SETD5: variants seen among roughly 807,000 people sequenced by gnomAD.
The protein encoded by SETD5 is SET domain containing 5, also known as histone-lysine N-methyltransferase SETD5.
A neutral mutation model predicts 153.3 loss-of-function variants in SETD5; 44 were observed. That is an observed-to-expected ratio of 0.29 (90% CI 0.23 to 0.37). The LOEUF is 0.37. Ranked by LOEUF, SETD5 falls within the 10% of genes least tolerant of loss-of-function variation. The probability of loss-of-function intolerance (pLI) is 1.00; values close to 1 mark genes in which losing one functional copy is unlikely to be tolerated. For missense variants in SETD5, 1,544 were observed against 1,768.0 expected, an observed-to-expected ratio of 0.87 and a Z score of 2.27; for synonymous variants, 716 against 645.2, an observed-to-expected ratio of 1.11 and a Z score of -1.66.
chr3:9,413,800 C>T (rs547467228), intron 1 of SETD5, among the ~76,000 whole-genome samples: 2 of 151,774 alleles, frequency 1.3e-5, no homozygotes. Flanking sequence ...GTTTTTGAGA[C>T]GGAGTCTGGC....
Position 9,459,038 on chromosome 3 carries a change from G to A in SETD5, c.2476+5170G>A, listed in dbSNP as rs901982014. Among the ~76,000 whole-genome samples the A allele has an allele frequency of 5.9e-5, 9 of 152,074 alleles. No homozygotes were observed. The South Asian group carries it at 1.2e-3, about 21-fold the overall frequency. On this transcript the variant is annotated intron_variant, in intron 17 of 22. Transcript: ENST00000402198. Reference sequence around the variant, plus strand: ...CCTAAAAATCTATGCTTCAGGATTCGACAAACTCTTGGAAAATATTTTCTG... The same window carrying A: ...CCTAAAAATCTATGCTTCAGGATTCAACAAACTCTTGGAAAATATTTTCTG...
chr3:9,447,253 C>A lies in SETD5; in HGVS notation c.1728C>A (p.Ile576=), dbSNP rs191615401. ...GCAACTCTGTTTCAAATGTTACCAT[C>A]CCAAGCACCCCACAGAGTGTTGGTG... The part of the protein sequence containing the change: ...EVSNSVSNVT[I]PSTPQSVGVN... Residue 576 remains isoleucine, a synonymous_variant, in exon 14 of 23, where the codon ATC becomes ATA. Transcript: ENST00000402198. 3.8e-5 allele frequency: 61 copies of A among 1,614,036 alleles called. No individual in the cohort carries two copies. The African/African-American group carries it at 5.9e-4, about 16-fold the overall frequency.
At chr3:9,423,724 T>C (rs1575301108) in intron 1 of SETD5, among the ~76,000 whole-genome samples, 1 of 152,234 alleles carries the variant, frequency 6.6e-6, no homozygotes, top group Non-Finnish European at 1.5e-5. Flanking sequence ...GTTCTAATGC[T>C]TGGTAACTGG....
At chr3:9,438,116 G>A (rs1392452214) in intron 7 of SETD5, among the ~76,000 whole-genome samples, 2 of 152,166 alleles carry the variant, frequency 1.3e-5, no homozygotes, top group Non-Finnish European at 2.9e-5. Flanking sequence ...AAGTTTGAAG[G>A]CCCCACTTAG....
At chr3:9,404,861 C>G (rs2035407189) in intron 1 of SETD5, among the ~76,000 whole-genome samples, 1 of 152,130 alleles carries the variant, frequency 6.6e-6, no homozygotes, top group Non-Finnish European at 1.5e-5. Context: ...TCATTTTCAC[C>G]AAGACTTAGC....
intron 1 of SETD5, among the ~76,000 whole-genome samples, chr3:9,410,889 C>CT (rs1423067258): frequency 3.5e-4 from 46 of 131,762 alleles, no homozygotes; most frequent in African/African-American, 1.3e-3. Context: ...TTTTTTTTTT[C>CT]TTTTTTTTCT....
chr3:9,473,977 T>A (rs1421701332), intron 20 of SETD5, among the ~76,000 whole-genome samples: 1 of 152,058 alleles, frequency 6.6e-6, no homozygotes, highest in African/African-American at 2.4e-5. Flanking sequence ...GACCACAAAT[T>A]TAAAAATGAA....
In SETD5 at chr3:9,477,521, C is replaced by T. The variant is rs1047868796; in HGVS notation, c.*1430C>T. On this transcript the variant is annotated 3_prime_UTR_variant, in exon 23 of 23. Coordinates refer to ENST00000402198, the MANE Select transcript of SETD5 (RefSeq NM_001080517.3). ...ACTGTGAGTTTCCCTCCTTCCTTCC[C>T]TCTAATTTGTTTTCCTTTTTTCCCC... 1 of 152,558 alleles carries T rather than the reference C, an allele frequency of 6.6e-6. No individual in the cohort carries two copies. Among genetic ancestry groups the T allele is most frequent in the East Asian group, 1.9e-4 (1 of 5,186 alleles). 9.5% of individuals were successfully genotyped at this position (152,558 alleles called of 1,614,324 possible).
In SETD5 at chr3:9,434,347, G is replaced by A. The variant is rs368353953; in HGVS notation, c.191G>A (p.Arg64His). The A allele has an allele frequency of 2.4e-5, 38 of 1,613,618 alleles. No individual in the cohort carries two copies. The Admixed American group carries it at 2.5e-4, about 11-fold the overall frequency. The part of the protein sequence containing the change: ...RGLPYATIIP[R>H]SDLNGLPSPV... ...CCCCCTGTCCAGACGATCATCCCTC[G>A]TTCTGACCTGAATGGCCTGCCGTCG... Residue 64 changes from arginine to histidine, a missense_variant, in exon 5 of 23, where the codon CGT becomes CAT. By Grantham distance (29) the Arg-to-His change is conservative. Transcript: ENST00000402198. This position sits in a 1 kb window ranked among gnomAD's most constrained non-coding sequence, Gnocchi z 5.6.
rs184873836 is a variant in SETD5 at position 9,414,540 on chromosome 3, A to G, written c.-176-9927A>G. 3.0e-4 allele frequency among the ~76,000 whole-genome samples: 45 copies of G among 152,308 alleles called. 1 individual carries two copies. The East Asian group carries it at 7.7e-3, about 26-fold the overall frequency. On this transcript the variant is annotated intron_variant, in intron 1 of 22. Transcript: ENST00000402198. ...TTGGTTTCCCTTTTTCCCACCTAGT[A>G]GTATCATTCCATGTATTTACCAGGA... is the stretch of plus-strand genomic sequence containing the variant.
chr3:9,472,175 A>G (rs1359313411), intron 19 of SETD5, among the ~76,000 whole-genome samples: 1 of 151,718 alleles, frequency 6.6e-6, no homozygotes, highest in Non-Finnish European at 1.5e-5. Flanking sequence ...AGAAATTATG[A>G]TATTTTATTT....
At position 9,434,649 on chromosome 3, in the gene SETD5, A is replaced by C. The variant is rs2040347672; in HGVS notation, c.329+164A>C. Reference sequence around the variant, plus strand: ...GCACTAGGTGAGAATTGCTGACAACAAGGAATGAGAGATTGATGTTAAAGC... The same window carrying C: ...GCACTAGGTGAGAATTGCTGACAACCAGGAATGAGAGATTGATGTTAAAGC... On this transcript the variant is annotated intron_variant, in intron 5 of 22. Coordinates refer to ENST00000402198, the MANE Select transcript of SETD5 (RefSeq NM_001080517.3). The surrounding 1 kb of genome is among the most constrained non-coding windows in gnomAD (Gnocchi z 5.6). The C allele has an allele frequency of 6.8e-7, 1 of 1,469,878 alleles. No homozygotes were observed. Among genetic ancestry groups the C allele is most frequent in the Non-Finnish European group, 9.0e-7 (1 of 1,111,250 alleles). 91.1% of individuals were successfully genotyped at this position (1,469,878 alleles called of 1,614,324 possible). A position where few individuals can be genotyped will look rare whatever the true frequency, so the allele number is the denominator to read the frequency against.
At chr3:9,436,934 C>G (rs2040637994) in intron 7 of SETD5, 6 of 1,526,166 alleles carry the variant, frequency 3.9e-6, no homozygotes, top group Non-Finnish European at 5.3e-6. Flanking sequence ...TCACTGTGAT[C>G]TTGCATTTTG....
chr3:9,456,110 A>G (rs991493502), intron 17 of SETD5, among the ~76,000 whole-genome samples: 1 of 152,178 alleles, frequency 6.6e-6, no homozygotes, highest in Non-Finnish European at 1.5e-5. Context: ...AAGGATTTCT[A>G]TAATAGAAAA....
chr3:9,465,627 C>T (rs1429025797), intron 18 of SETD5, among the ~76,000 whole-genome samples: 2 of 152,140 alleles, frequency 1.3e-5, no homozygotes, highest in South Asian at 2.1e-4. Flanking sequence ...GAATACTTAG[C>T]TTTTATGAGT....
At chr3:9,459,179 A>G (rs1391466757) in intron 17 of SETD5, among the ~76,000 whole-genome samples, 4 of 152,190 alleles carry the variant, frequency 2.6e-5, no homozygotes, top group Admixed American at 6.5e-5. Context: ...TCTGTAGTCA[A>G]ATTTGTTCAG....
At chr3:9,436,046 A>G (rs2040525350) in intron 7 of SETD5, 140 bp downstream of exon 7, 9 of 743,156 alleles carry the variant, frequency 1.2e-5, no homozygotes, top group African/African-American at 3.6e-5. Context: ...AAAATCAGCT[A>G]ATCTGTGTTA....
chr3:9,468,584 CA>C (rs1212991103), intron 18 of SETD5: 2 of 1,304,152 alleles, frequency 1.5e-6, no homozygotes, highest in East Asian at 1.1e-4. Flanking sequence ...AGGTAGTTAT[CA>C]CACCATCTCA....
rs187082540 is a variant in SETD5 at position 9,475,427 on chromosome 3, C to T, written c.3721-56C>T. On this transcript the variant is annotated intron_variant, in intron 22 of 22. Coordinates refer to ENST00000402198, the MANE Select transcript of SETD5 (RefSeq NM_001080517.3). ...AATGTAGGGTATTATAAATGTTCAC[C>T]AGCCATTTAAGGGACTTGTTCGCGT... is the stretch of plus-strand genomic sequence containing the variant. The T allele has an allele frequency of 1.2e-5, 18 of 1,550,558 alleles. No homozygotes were observed. In the Admixed American group the frequency reaches 3.6e-4, roughly 31 times the overall value.
Sources: allele counts gnomAD v4.1 joint callset (sites outside exome capture counted in the v4.1 genomes callset), GRCh38; gene constraint gnomAD v4.1.1; non-coding constraint Gnocchi (gnomAD v3.1); transcripts MANE v1.5; gene names NCBI Gene and HGNC (gene_info 2026-07-23, HGNC 2026-07-21).